Variants in TNRC6B observed in about 807,000 individuals in gnomAD.
TNRC6B encodes trinucleotide repeat containing adaptor 6B.
In TNRC6B, 52 loss-of-function variants were observed where a neutral mutation model predicts 203.6. The observed-to-expected ratio is 0.26, with a 90% CI of 0.20 to 0.32. The LOEUF is 0.32. TNRC6B is among the 10% of genes least tolerant of loss of function. TNRC6B has a pLI of 1.00. For synonymous variants in TNRC6B, 838 were observed against 845.7 expected (o/e 0.99, Z 0.16); for missense variants, 1,923 against 2,286.2 (o/e 0.84, Z 3.24).
At chr22:40,315,225 T>TG (rs915782041) in intron 19 of TNRC6B, 58 bp from the exon 20 acceptor site, 1 of 1,421,030 alleles carries the variant, frequency 7.0e-7, no homozygotes. Context: ...TCATGTGTAT[T>TG]TGTCAACAAA....
At chr22:40,243,891 G>T (rs1402332639) in intron 1 of TNRC6B, among the ~76,000 whole-genome samples, 1 of 151,938 alleles carries the variant, frequency 6.6e-6, no homozygotes, top group African/African-American at 2.4e-5. Flanking sequence ...AGCTAACATT[G>T]CATTTTTTAA....
intron 12 of TNRC6B, among the ~76,000 whole-genome samples, chr22:40,286,796 C>G (rs1050887125): frequency 1.3e-5 from 2 of 152,150 alleles, no homozygotes; most frequent in Non-Finnish European, 2.9e-5. Context: ...CACATACTTT[C>G]CCTGTTCCCC....
chr22:40,324,862 CTTTTTT>C lies in TNRC6B; in HGVS notation c.*1630_*1635del, dbSNP rs78110525. 1 of 143,044 alleles carries C rather than the reference CTTTTTT, an allele frequency of 7.0e-6. No individual in the cohort carries two copies. Among genetic ancestry groups the C allele is most frequent in the African/African-American group, 2.6e-5 (1 of 38,938 alleles). The allele number at this position is 143,044 out of a possible 1,614,324, so 8.9% of individuals were successfully genotyped here. A position where few individuals can be genotyped will look rare whatever the true frequency, so the allele number is the denominator to read the frequency against. On this transcript the variant is annotated 3_prime_UTR_variant, in exon 23 of 23. Coordinates refer to ENST00000454349, the MANE Select transcript of TNRC6B (RefSeq NM_001162501.2). Reference sequence around the variant, plus strand: ...CTTTTTTAATTTCGGTATTTAAATACTTTTTTTTTTTTTTAAGCATCAATGTAGTAG... The same window carrying C: ...CTTTTTTAATTTCGGTATTTAAATACTTTTTTTTAAGCATCAATGTAGTAG...
chr22:40,194,023 C>G (rs1436652147), intron 1 of TNRC6B, among the ~76,000 whole-genome samples: 2 of 152,086 alleles, frequency 1.3e-5, no homozygotes, highest in Non-Finnish European at 2.9e-5. Flanking sequence ...TGGGGTTTGT[C>G]TGAGGTTGCG....
At chr22:40,075,156 A>ATTTTTTTTTTTTTTTTTTTTTT (rs58240994) in intron 1 of TNRC6B, among the ~76,000 whole-genome samples, 17 of 35,568 alleles carry the variant, frequency 4.8e-4, no homozygotes, top group Non-Finnish European at 7.3e-4. Context: ...ATATATATAT[A>ATTTTTTTTTTTTTTTTTTTTTT]TTTTTTTTTT....
At chr22:40,086,816 G>T (rs2068103875) in intron 1 of TNRC6B, among the ~76,000 whole-genome samples, 1 of 152,166 alleles carries the variant, frequency 6.6e-6, no homozygotes, top group African/African-American at 2.4e-5. Flanking sequence ...CTTTAAAATT[G>T]ATTGTCCTCT....
chr22:40,247,837 A>G (rs1052923735), intron 2 of TNRC6B, among the ~76,000 whole-genome samples: 78 of 152,328 alleles, frequency 5.1e-4, no homozygotes, highest in Admixed American at 4.4e-3. Context: ...TGGGAGGCCA[A>G]GGCAGGAGGG....
At chr22:40,224,062 A>G (rs2069751345) in intron 1 of TNRC6B, among the ~76,000 whole-genome samples, 2 of 152,114 alleles carry the variant, frequency 1.3e-5, no homozygotes, top group Admixed American at 6.5e-5. Flanking sequence ...GCTGGAGTGC[A>G]GTGGTGTGAA....
At chr22:40,286,498 C>A (rs1207617709) in intron 12 of TNRC6B, among the ~76,000 whole-genome samples, 1 of 151,596 alleles carries the variant, frequency 6.6e-6, no homozygotes, top group Non-Finnish European at 1.5e-5. Flanking sequence ...TAGAGCGAGA[C>A]TCCATTTCAA....
intron 1 of TNRC6B, among the ~76,000 whole-genome samples, chr22:40,060,573 G>A (rs1225717997): frequency 6.6e-6 from 1 of 152,102 alleles, no homozygotes; most frequent in Non-Finnish European, 1.5e-5. Context: ...GGGTCCCCAA[G>A]ACTATCCCTA....
chr22:40,212,687 T>C (rs1447458648), intron 1 of TNRC6B, among the ~76,000 whole-genome samples: 1 of 152,214 alleles, frequency 6.6e-6, no homozygotes, highest in Non-Finnish European at 1.5e-5. Flanking sequence ...TTTTTATTTT[T>C]TGAGACACAG....
chr22:40,217,621 A>G (rs547319634), intron 1 of TNRC6B, among the ~76,000 whole-genome samples: 1 of 152,332 alleles, frequency 6.6e-6, no homozygotes, highest in African/African-American at 2.4e-5. Context: ...ATGCTGAAAA[A>G]GATGCCTCAG....
intron 1 of TNRC6B, among the ~76,000 whole-genome samples, chr22:40,092,078 C>T (rs1479539834): frequency 6.6e-6 from 1 of 152,138 alleles, no homozygotes; most frequent in Non-Finnish European, 1.5e-5. Context: ...CACTGAGCTA[C>T]AGTGAATGAG....
intron 1 of TNRC6B, among the ~76,000 whole-genome samples, chr22:40,208,592 G>A (rs1256657713): frequency 6.6e-6 from 1 of 152,186 alleles, no homozygotes; most frequent in East Asian, 1.9e-4. Context: ...AATCAAGGGA[G>A]TGCTAAGTTA....
At position 40,301,546 on chromosome 22, in the gene TNRC6B, C is replaced by G. The variant is rs145449659; in HGVS notation, c.4120+213C>G. On this transcript the variant is annotated intron_variant, in intron 15 of 22. Coordinates refer to ENST00000454349, the MANE Select transcript of TNRC6B (RefSeq NM_001162501.2). Reference sequence around the variant, plus strand: ...ATGGTTACTAAATAGCAGAGCCAGGCCTCTAACTTCTCTGGCTCCAAAGCA... The same window carrying G: ...ATGGTTACTAAATAGCAGAGCCAGGGCTCTAACTTCTCTGGCTCCAAAGCA... The G allele has an allele frequency of 5.1e-4, 285 of 557,532 alleles. 4 individuals are homozygous for G. In the East Asian group the frequency reaches 8.2e-3, roughly 16 times the overall value. The allele number at this position is 557,532 out of a possible 1,614,324, so 34.5% of individuals were successfully genotyped here. A position where few individuals can be genotyped will look rare whatever the true frequency, so the allele number is the denominator to read the frequency against.
rs767411174 is a variant in TNRC6B, at chr22:40,323,172, C to T, written c.5433C>T (p.Pro1811=). ...GGGGAGTCCCAACGGTGGAAGATCCCCATAGGATGGGCAGCCCTGCTCCTT... is the reference window on the plus strand; with the variant it reads ...GGGGAGTCCCAACGGTGGAAGATCCTCATAGGATGGGCAGCCCTGCTCCTT... ...SLWGVPTVED[P]HRMGSPAPLL... is the part of the protein sequence containing the mutation. Residue 1811 remains proline (P), a synonymous_variant, in exon 23 of 23, where the codon CCC becomes CCT. Transcript: ENST00000454349. The T allele has an allele frequency of 3.1e-6, 5 of 1,613,710 alleles. No homozygotes were observed. In the African/African-American group the frequency reaches 6.7e-5, roughly 22 times the overall value.
intron 21 of TNRC6B, among the ~76,000 whole-genome samples, chr22:40,319,788 G>A (rs755599194): frequency 6.6e-6 from 1 of 152,156 alleles, no homozygotes; most frequent in Non-Finnish European, 1.5e-5. Flanking sequence ...AGGTATGTAT[G>A]TATAGGAAAA....
intron 1 of TNRC6B, among the ~76,000 whole-genome samples, chr22:40,074,847 A>C (rs1195249208): frequency 6.6e-6 from 1 of 151,380 alleles, no homozygotes; most frequent in Non-Finnish European, 1.5e-5. Flanking sequence ...ATTTCCAGCT[A>C]CTCGGGAGGC....
chr22:40,083,727 AAGG>A lies in TNRC6B; in HGVS notation c.-120-33321_-120-33319del, dbSNP rs749233433. On this transcript the variant is annotated intron_variant, in intron 1 of 23. Transcript: ENST00000301923. ...GATCAGGAGCATAAGTATTCTTAGAAAGGAGGAGGGCCACTTCTGTTGAAATAG... is the reference window on the plus strand; with the variant it reads ...GATCAGGAGCATAAGTATTCTTAGAAAGGAGGGCCACTTCTGTTGAAATAG... 1.2e-4 allele frequency among the ~76,000 whole-genome samples: 19 copies of A among 152,248 alleles called. 2 individuals carry two copies. Among genetic ancestry groups the A allele is most frequent in the Admixed American group, 9.8e-4 (15 of 15,298 alleles).
Sources: allele counts gnomAD v4.1 joint callset (sites outside exome capture counted in the v4.1 genomes callset), GRCh38; gene constraint gnomAD v4.1.1; transcripts MANE v1.5; gene names NCBI Gene and HGNC (gene_info 2026-07-23, HGNC 2026-07-21).